Variants in MACROD2 observed in about 807,000 individuals in gnomAD.
MACROD2 encodes mono-ADP ribosylhydrolase 2, also known as ADP-ribose glycohydrolase MACROD2.
MACROD2 carries 36 observed loss-of-function variants against 70.4 expected under a neutral mutation model. The ratio of observed to expected loss-of-function variants is 0.51; its 90% CI spans 0.39 to 0.68. The LOEUF (loss-of-function observed/expected upper bound fraction) is 0.68. Among genes scored for constraint, MACROD2 ranks in the 30% least tolerant of loss-of-function variants. The pLI is 0.00. For synonymous variants in MACROD2, 172 were observed against 178.8 expected (o/e 0.96, Z 0.30); for missense variants, 496 against 538.4 (o/e 0.92, Z 0.78).
intron 4 of MACROD2, among the ~76,000 whole-genome samples, chr20:14,596,414 T>C (rs939059583): frequency 2.0e-5 from 2 of 97,872 alleles, no homozygotes; most frequent in African/African-American, 1.2e-4. Flanking sequence ...TTTTTAAACA[T>C]ATATATATAT....
At chr20:14,451,263 G>C (rs752141947) in intron 3 of MACROD2, among the ~76,000 whole-genome samples, 9 of 152,040 alleles carry the variant, frequency 5.9e-5, no homozygotes, top group African/African-American at 2.2e-4. Flanking sequence ...CCAATATGGC[G>C]AAACCCTGTC....
chr20:15,407,824 G>A (rs1420364099), intron 6 of MACROD2, among the ~76,000 whole-genome samples: 1 of 152,192 alleles, frequency 6.6e-6, no homozygotes, highest in Non-Finnish European at 1.5e-5. Context: ...TAGAATCACA[G>A]AACATCAGAC....
At chr20:14,840,837 G>C (rs2073079222) in intron 5 of MACROD2, among the ~76,000 whole-genome samples, 1 of 152,050 alleles carries the variant, frequency 6.6e-6, no homozygotes, top group South Asian at 2.1e-4. Context: ...GATTCTGATA[G>C]GTTTCAGGAT....
chr20:15,520,218 C>A (rs752040924), intron 8 of MACROD2, among the ~76,000 whole-genome samples: 1 of 152,128 alleles, frequency 6.6e-6, no homozygotes, highest in Non-Finnish European at 1.5e-5. Flanking sequence ...TATCACGAAG[C>A]TTTTATGTTT....
chr20:15,299,731 G>C, intron 6 of MACROD2, among the ~76,000 whole-genome samples: 1 of 152,194 alleles, frequency 6.6e-6, no homozygotes, highest in South Asian at 2.1e-4. Flanking sequence ...CACAAGAGAA[G>C]GAAGTAATTG....
chr20:14,574,964 T>C (rs1486334627), intron 4 of MACROD2, among the ~76,000 whole-genome samples: 1 of 140,290 alleles, frequency 7.1e-6, no homozygotes, highest in Admixed American at 7.3e-5. Context: ...TGAGCCGAGA[T>C]TGCGCCACTG....
At chr20:14,078,165 G>A (rs1013143574) in intron 2 of MACROD2, among the ~76,000 whole-genome samples, 3 of 152,192 alleles carry the variant, frequency 2.0e-5, no homozygotes, top group African/African-American at 7.2e-5. Flanking sequence ...GCCTCCCAAA[G>A]TGCTGGGATT....
intron 4 of MACROD2, among the ~76,000 whole-genome samples, chr20:14,679,243 G>T: frequency 6.6e-6 from 1 of 152,130 alleles, no homozygotes; most frequent in East Asian, 1.9e-4. Flanking sequence ...AGTTGTAAAT[G>T]GTTTCTTAAA....
rs1483242196 is a variant in MACROD2 at position 15,793,889 on chromosome 20, T to C, written c.646-68856T>C. On this transcript the variant is annotated intron_variant, in intron 8 of 17. Coordinates refer to ENST00000684519, the MANE Select transcript of MACROD2 (RefSeq NM_001351661.2). ...TTATATTAAGAATGGGGATTTACAT[T>C]ATTTTATATAATATATAATATAAAA... is the stretch of plus-strand genomic sequence containing the variant. 2.0e-5 allele frequency among the ~76,000 whole-genome samples: 3 copies of C among 147,434 alleles called. No homozygotes were observed. The East Asian group carries it at 5.8e-4, about 29-fold the overall frequency.
At chr20:14,655,050 G>C (rs1985897394) in intron 4 of MACROD2, among the ~76,000 whole-genome samples, 1 of 151,960 alleles carries the variant, frequency 6.6e-6, no homozygotes. Context: ...TTGTAAGACT[G>C]TTAAATATTT....
At chr20:15,257,709 T>G (rs1039558702) in intron 6 of MACROD2, among the ~76,000 whole-genome samples, 3 of 152,116 alleles carry the variant, frequency 2.0e-5, no homozygotes, top group African/African-American at 7.2e-5. Context: ...CACATATATA[T>G]GTATAGCACA....
intron 5 of MACROD2, among the ~76,000 whole-genome samples, chr20:14,880,223 G>A (rs748330639): frequency 3.9e-5 from 6 of 152,176 alleles, no homozygotes; most frequent in African/African-American, 1.4e-4. Flanking sequence ...ACAGTTTTGG[G>A]GAGAGGGAGC....
At chr20:14,282,770 G>C (rs2082316554) in intron 3 of MACROD2, among the ~76,000 whole-genome samples, 1 of 152,148 alleles carries the variant, frequency 6.6e-6, no homozygotes, top group Non-Finnish European at 1.5e-5. Context: ...GCAAGAGAGA[G>C]AAGTGTGAGG....
At chr20:15,544,595 C>T (rs576885473) in intron 8 of MACROD2, among the ~76,000 whole-genome samples, 2 of 152,336 alleles carry the variant, frequency 1.3e-5, no homozygotes, top group African/African-American at 4.8e-5. Flanking sequence ...GTCATAACTA[C>T]ATCCATACAG....
intron 5 of MACROD2, among the ~76,000 whole-genome samples, chr20:14,847,615 T>A (rs902139957): frequency 2.7e-5 from 4 of 150,834 alleles, no homozygotes; most frequent in African/African-American, 9.8e-5. Flanking sequence ...ATGATTAGCA[T>A]TTCTTGGTAA....
At chr20:15,097,429 T>C (rs895656906) in intron 5 of MACROD2, among the ~76,000 whole-genome samples, 1 of 152,236 alleles carries the variant, frequency 6.6e-6, no homozygotes, top group Non-Finnish European at 1.5e-5. Context: ...TCAATTTTGC[T>C]TTTGTGAGTG....
rs1260524035 is a variant in MACROD2, at chr20:15,000,580, G to A, written c.419-229360G>A. 1.3e-4 allele frequency among the ~76,000 whole-genome samples: 14 copies of A among 106,360 alleles called. 1 individual carries two copies. Among genetic ancestry groups the A allele is most frequent in the East Asian group, 2.8e-4 (1 of 3,568 alleles). The allele number at this position is 106,360 out of a possible 152,430, so 69.8% of individuals were successfully genotyped here. On this transcript the variant is annotated intron_variant, in intron 5 of 17. Coordinates refer to ENST00000684519, the MANE Select transcript of MACROD2 (RefSeq NM_001351661.2). ...GGAGCTTGCAGTGAGCCGAGATTGC[G>A]CCACTGCAGTCCGCAGTCCGGCCTG...
rs2076313956 is a variant in MACROD2 at position 15,157,343 on chromosome 20, T to G, written c.419-72597T>G. ...CTTTCATGACCTCATCTAAATCTAA[T>G]TAACCACCCCCCCCCACCTCCCCCC... On this transcript the variant is annotated intron_variant, in intron 5 of 17. Coordinates refer to ENST00000684519, the MANE Select transcript of MACROD2 (RefSeq NM_001351661.2). Among the ~76,000 whole-genome samples the G allele has an allele frequency of 2.4e-5, 3 of 126,034 alleles. No individual in the cohort carries two copies. The South Asian group carries it at 9.9e-4, about 42-fold the overall frequency. The allele number at this position is 126,034 out of a possible 152,430, so 82.7% of individuals were successfully genotyped here.
intron 5 of MACROD2, among the ~76,000 whole-genome samples, chr20:14,756,645 T>C (rs2071944180): frequency 6.6e-6 from 1 of 152,142 alleles, no homozygotes; most frequent in African/African-American, 2.4e-5. Context: ...GGCTTTAGAC[T>C]ACTGCTCCTA....
Sources: gnomAD v4.1 joint callset for allele counts (sites outside exome capture counted in the v4.1 genomes callset) on GRCh38, gnomAD v4.1.1 for gene constraint, MANE v1.5 for transcripts, NCBI Gene and HGNC (gene_info 2026-07-23, HGNC 2026-07-21) for gene names.